The following FMN2 variants were observed in gnomAD, a reference collection of about 807,000 sequenced individuals.
The protein encoded by FMN2 is formin 2, also known as formin-2.
Under a neutral mutation model 142.3 loss-of-function variants are expected in FMN2, and 51 were observed. The ratio of observed to expected loss-of-function variants is 0.36; its 90% CI spans 0.29 to 0.45. The LOEUF (loss-of-function observed/expected upper bound fraction) is 0.45. Ranked by LOEUF, FMN2 falls within the 20% of genes least tolerant of loss-of-function variation. The pLI is 1.00. For missense variants in FMN2, 1,936 were observed against 2,122.8 expected (o/e 0.91, Z 1.73); for synonymous variants, 882 against 869.8 (o/e 1.01, Z -0.25).
chr1:240,441,608 C>CTT (rs371621331), intron 16 of FMN2, among the ~76,000 whole-genome samples: 7 of 125,132 alleles, frequency 5.6e-5, no homozygotes, highest in African/African-American at 8.8e-5. Flanking sequence ...GCATATTGGT[C>CTT]TTTTTTTTTT....
chr1:240,190,387 G>A (rs541680556), intron 4 of FMN2, among the ~76,000 whole-genome samples: 3 of 152,224 alleles, frequency 2.0e-5, no homozygotes, highest in South Asian at 2.1e-4. Context: ...TTATTTTACG[G>A]GCTGATTCTT....
At chr1:240,460,149 C>T (rs9428843) in intron 16 of FMN2, among the ~76,000 whole-genome samples, 113,925 of 152,170 alleles carry the variant, frequency 0.75, 42,816 homozygotes, top group Middle Eastern at 0.82. Context: ...TGTGTTTCCA[C>T]GACTACTTTT....
intron 8 of FMN2, among the ~76,000 whole-genome samples, chr1:240,296,193 CTTT>C (rs59482806): frequency 7.4e-5 from 9 of 121,092 alleles, no homozygotes; most frequent in Non-Finnish European, 7.0e-5. Flanking sequence ...TTATGTAGTA[CTTT>C]TTTTTTTTTT....
chr1:240,231,797 A>G (rs1298020675), intron 6 of FMN2, among the ~76,000 whole-genome samples: 1 of 152,234 alleles, frequency 6.6e-6, no homozygotes, highest in East Asian at 1.9e-4. Flanking sequence ...GTCTTCAAGC[A>G]CTAGAAATAG....
chr1:240,107,950 G>A (rs772135770), intron 1 of FMN2, among the ~76,000 whole-genome samples: 7 of 152,076 alleles, frequency 4.6e-5, no homozygotes, highest in Non-Finnish European at 7.4e-5. Flanking sequence ...TGCATCAAAC[G>A]TGCACCTCAG....
intron 2 of FMN2, among the ~76,000 whole-genome samples, chr1:240,168,235 G>A (rs1402956957): frequency 6.6e-6 from 1 of 152,010 alleles, no homozygotes; most frequent in African/African-American, 2.4e-5. Context: ...ACTGTCAGTA[G>A]ATCTACCTTT....
intron 2 of FMN2, among the ~76,000 whole-genome samples, chr1:240,168,769 C>T (rs928848820): frequency 6.6e-6 from 1 of 152,042 alleles, no homozygotes. Context: ...GAAGTGGAAC[C>T]AGGAATGAGA....
chr1:240,310,917 A>G (rs1473472805), intron 8 of FMN2, among the ~76,000 whole-genome samples: 1 of 152,110 alleles, frequency 6.6e-6, no homozygotes, highest in Non-Finnish European at 1.5e-5. Flanking sequence ...TCTTTCTTTC[A>G]TATTTAAGAA....
chr1:240,131,389 G>A lies in FMN2; in HGVS notation c.1782+8044G>A, dbSNP rs559490168. ...GGCAAGACCTGAGGCATGCGTAGGA[G>A]TTTGCTGTGGGGAACAGCCATGAAA... On this transcript the variant is annotated intron_variant, in intron 2 of 17. Transcript: ENST00000319653. 1.4e-3 allele frequency among the ~76,000 whole-genome samples: 214 copies of A among 152,192 alleles called. 3 individuals carry two copies. The highest frequency in any genetic ancestry group is 3.9e-3 in the African/African-American group (164 of 41,548).
intron 7 of FMN2, among the ~76,000 whole-genome samples, chr1:240,270,874 G>A: frequency 6.6e-6 from 1 of 151,832 alleles, no homozygotes; most frequent in African/African-American, 2.4e-5. Flanking sequence ...CTTGGTCAGT[G>A]GGTACAAAGT....
chr1:240,181,276 T>A (rs546539327), intron 3 of FMN2, among the ~76,000 whole-genome samples: 41 of 152,318 alleles, frequency 2.7e-4, no homozygotes, highest in African/African-American at 9.9e-4. Context: ...AGTGCTGGGA[T>A]TACAGGCGTG....
intron 16 of FMN2, chr1:240,471,539 T>C (rs1446953741): frequency 6.6e-6 from 1 of 152,290 alleles, no homozygotes; most frequent in Non-Finnish European, 1.5e-5. Context: ...CACACCCAGC[T>C]AATTTTTTTT....
intron 6 of FMN2, among the ~76,000 whole-genome samples, chr1:240,214,748 TC>T (rs1666830372): frequency 6.6e-6 from 1 of 152,124 alleles, no homozygotes; most frequent in East Asian, 1.9e-4. Context: ...CACCTCAGGA[TC>T]TTTGGTGATC....
chr1:240,109,727 C>G (rs183782693), intron 1 of FMN2, among the ~76,000 whole-genome samples: 1 of 152,152 alleles, frequency 6.6e-6, no homozygotes, highest in African/African-American at 2.4e-5. Flanking sequence ...ATGTGTTCCA[C>G]ATCAATTATA....
chr1:240,388,879 G>C (rs138415422), intron 14 of FMN2, among the ~76,000 whole-genome samples: 2,636 of 144,928 alleles, frequency 0.018, 60 homozygotes, highest in African/African-American at 0.065. Flanking sequence ...AAAAAAAAAG[G>C]GGGGGGGTCA....
chr1:240,361,527 T>C (rs1672482160), intron 14 of FMN2, among the ~76,000 whole-genome samples: 1 of 152,132 alleles, frequency 6.6e-6, no homozygotes, highest in South Asian at 2.1e-4. Context: ...ACAGAATAGC[T>C]GTGAGGGATA....
chr1:240,353,537 T>A (rs1672165953), intron 13 of FMN2, among the ~76,000 whole-genome samples: 1 of 152,198 alleles, frequency 6.6e-6, no homozygotes, highest in African/African-American at 2.4e-5. Flanking sequence ...ATAAGATGGA[T>A]TTCCTTTCAA....
chr1:240,453,079 A>G (rs1381758927), intron 16 of FMN2, among the ~76,000 whole-genome samples: 7 of 152,224 alleles, frequency 4.6e-5, no homozygotes, highest in Non-Finnish European at 8.8e-5. Context: ...TGAAGGTACT[A>G]TACGCACCCA....
Position 240,153,386 on chromosome 1 carries a change from T to TTG in FMN2, c.1783-24534_1783-24533insGT, listed in dbSNP as rs35381579. On this transcript the variant is annotated intron_variant, in intron 2 of 17. Coordinates refer to ENST00000319653, the MANE Select transcript of FMN2 (RefSeq NM_020066.5). ...CCCATTGAGCTGGTTGTATTTACAGTTTTTTTTTTTTTTTTTTTGACAGGC... is the reference window on the plus strand; with the variant it reads ...CCCATTGAGCTGGTTGTATTTACAGTTGTTTTTTTTTTTTTTTTTTGACAGGC... 7.8e-4 allele frequency among the ~76,000 whole-genome samples: 19 copies of TTG among 24,284 alleles called. No homozygotes were observed. The South Asian group carries it at 0.048, about 62-fold the overall frequency. 15.9% of individuals were successfully genotyped at this position (24,284 alleles called of 152,430 possible).
Sources: gnomAD v4.1 joint callset for allele counts (sites outside exome capture counted in the v4.1 genomes callset) on GRCh38, gnomAD v4.1.1 for gene constraint, MANE v1.5 for transcripts, NCBI Gene and HGNC (gene_info 2026-07-23, HGNC 2026-07-21) for gene names.